The following CAMKMT variants were observed in gnomAD, a reference collection of about 807,000 sequenced individuals.
CAMKMT encodes calmodulin-lysine N-methyltransferase.
In CAMKMT, 53 loss-of-function variants were observed where a neutral mutation model predicts 48.0. The observed-to-expected ratio is 1.10, with a 90% confidence interval of 0.89 to 1.39. The LOEUF is 1.39. CAMKMT is among the 40% of genes most tolerant of loss of function. CAMKMT has a pLI of 0.00. For synonymous variants in CAMKMT, 165 were observed against 152.3 expected (o/e 1.08, Z -0.61); for missense variants, 428 against 402.7 (o/e 1.06, Z -0.54).
At position 44,622,928 on chromosome 2, in the gene CAMKMT, G is replaced by C. The variant is rs182068247; in HGVS notation, c.377-81355G>C. On this transcript the variant is annotated intron_variant, in intron 3 of 10. Transcript: ENST00000378494. ...AATCTCCAAACTTCTGTCCATGATGGTTGAACTGATATGCATTCCCACCAA... is the reference window on the plus strand; with the variant it reads ...AATCTCCAAACTTCTGTCCATGATGCTTGAACTGATATGCATTCCCACCAA... Among the ~76,000 whole-genome samples, 15 of 152,222 alleles carry C rather than the reference G, an allele frequency of 9.9e-5. No individual in the cohort carries two copies. The East Asian group carries it at 2.3e-3, about 24-fold the overall frequency.
chr2:44,734,538 C>T (rs1346541193), intron 7 of CAMKMT, among the ~76,000 whole-genome samples: 1 of 152,120 alleles, frequency 6.6e-6, no homozygotes, highest in African/African-American at 2.4e-5. Context: ...CTCCAGCCTC[C>T]TGAGTGGCTG....
chr2:44,578,955 A>G (rs1042892849), intron 3 of CAMKMT, among the ~76,000 whole-genome samples: 1 of 152,238 alleles, frequency 6.6e-6, no homozygotes, highest in Non-Finnish European at 1.5e-5. Flanking sequence ...ATTGGAATAA[A>G]TAATGTCTCA....
chr2:44,652,219 G>A (rs1447705330), intron 3 of CAMKMT, among the ~76,000 whole-genome samples: 2 of 152,182 alleles, frequency 1.3e-5, no homozygotes, highest in Non-Finnish European at 2.9e-5. Context: ...TTAATAGTGT[G>A]GATTTAATGG....
At chr2:44,739,594 G>T (rs1573207314) in intron 7 of CAMKMT, among the ~76,000 whole-genome samples, 1 of 152,192 alleles carries the variant, frequency 6.6e-6, no homozygotes, top group South Asian at 2.1e-4. Context: ...GTTCATGGGA[G>T]AGGTTCAGGC....
intron 8 of CAMKMT, among the ~76,000 whole-genome samples, chr2:44,747,315 C>A (rs1428430257): frequency 6.6e-6 from 1 of 152,056 alleles, no homozygotes; most frequent in African/African-American, 2.4e-5. Flanking sequence ...AATGGAAATA[C>A]TGTAGGCTCT....
At position 44,392,742 on chromosome 2, in the gene CAMKMT, T is replaced by G. The variant is rs553077918; in HGVS notation, c.376+2437T>G. ...AATAGATTTTTCCTGGCCGATTTTT[T>G]AATTTTTAAAAATATCAGTTTAATT... On this transcript the variant is annotated intron_variant, in intron 3 of 10. Transcript: ENST00000378494. Among the ~76,000 whole-genome samples the G allele has an allele frequency of 3.3e-5, 5 of 152,186 alleles. No individual in the cohort carries two copies. The South Asian group carries it at 1.0e-3, about 31-fold the overall frequency.
intron 1 of CAMKMT, among the ~76,000 whole-genome samples, chr2:44,367,130 A>G (rs1004440534): frequency 3.3e-5 from 5 of 152,206 alleles, no homozygotes. Context: ...ATATAAATAT[A>G]GGGATTCAGA....
rs530587288 is a variant in CAMKMT at position 44,443,056 on chromosome 2, C to A, written c.376+52751C>A. ...GGTAGATTTTAGAGCTTAGGAAATA[C>A]GTGTTTGAAGATTTAAAATATAGTT... is the stretch of plus-strand genomic sequence containing the variant. On this transcript the variant is annotated intron_variant, in intron 3 of 10. Coordinates refer to ENST00000378494, the MANE Select transcript of CAMKMT (RefSeq NM_024766.5). 2.6e-5 allele frequency among the ~76,000 whole-genome samples: 4 copies of A among 152,218 alleles called. No homozygotes were observed. In the South Asian group the frequency reaches 8.3e-4, roughly 32 times the overall value.
chr2:44,653,886 C>G lies in CAMKMT; in HGVS notation c.377-50397C>G, dbSNP rs2104049462. Among the ~76,000 whole-genome samples the G allele has an allele frequency of 6.6e-6, 1 of 152,184 alleles. No homozygotes were observed. Among genetic ancestry groups the G allele is most frequent in the East Asian group, 1.9e-4 (1 of 5,208 alleles). On this transcript the variant is annotated intron_variant, in intron 3 of 10. Coordinates refer to ENST00000378494, the MANE Select transcript of CAMKMT (RefSeq NM_024766.5). This position sits in a 1 kb window ranked among gnomAD's most constrained non-coding sequence, Gnocchi z 5.2. ...GTTGAGTGAAAGAATGAAACCAAAA[C>G]TGTCACATTTTAGCCTAAAGACTAG... is the stretch of plus-strand genomic sequence containing the variant.
intron 3 of CAMKMT, among the ~76,000 whole-genome samples, chr2:44,403,097 G>A (rs967733642): frequency 2.0e-5 from 3 of 152,120 alleles, no homozygotes; most frequent in African/African-American, 7.2e-5. Context: ...AGTTTCCTCT[G>A]TGGGATGATC....
chr2:44,364,210 A>C (rs1363456371), intron 1 of CAMKMT, among the ~76,000 whole-genome samples: 1 of 152,018 alleles, frequency 6.6e-6, no homozygotes, highest in East Asian at 1.9e-4. Context: ...TTGCGGTCTA[A>C]ATGAAAACAG....
At chr2:44,555,399 G>C (rs1001993842) in intron 3 of CAMKMT, among the ~76,000 whole-genome samples, 1 of 152,186 alleles carries the variant, frequency 6.6e-6, no homozygotes, top group Non-Finnish European at 1.5e-5. Context: ...TGGCTTGTTT[G>C]ACATATTGCT....
At chr2:44,419,622 C>G (rs77071267) in intron 3 of CAMKMT, among the ~76,000 whole-genome samples, 8,539 of 152,300 alleles carry the variant, frequency 0.056, 297 homozygotes, top group South Asian at 0.14. Flanking sequence ...CTCTGTCACC[C>G]AGCCTGGAGT....
chr2:44,585,531 A>C (rs1285266939), intron 3 of CAMKMT, among the ~76,000 whole-genome samples: 1 of 152,214 alleles, frequency 6.6e-6, no homozygotes, highest in Non-Finnish European at 1.5e-5. Context: ...ATACATATCC[A>C]AATGCTGGAG....
At chr2:44,768,363 T>TATATATTTA (rs1558844484) in intron 10 of CAMKMT, among the ~76,000 whole-genome samples, 1 of 72,012 alleles carries the variant, frequency 1.4e-5, no homozygotes. Context: ...ATATATATAT[T>TATATATTTA]TTTTTTTTTT....
chr2:44,385,425 A>G (rs1196116890), intron 2 of CAMKMT, among the ~76,000 whole-genome samples: 1 of 152,176 alleles, frequency 6.6e-6, no homozygotes, highest in Non-Finnish European at 1.5e-5. Context: ...TATCATCAGC[A>G]AACAGTGACA....
At chr2:44,371,394 C>A (rs1403496776) in intron 1 of CAMKMT, among the ~76,000 whole-genome samples, 1 of 152,224 alleles carries the variant, frequency 6.6e-6, no homozygotes, top group Non-Finnish European at 1.5e-5. Context: ...GTTAGGATTA[C>A]AGACATGAGC....
chr2:44,543,766 T>C, intron 3 of CAMKMT, among the ~76,000 whole-genome samples: 1 of 152,194 alleles, frequency 6.6e-6, no homozygotes, highest in East Asian at 1.9e-4. Flanking sequence ...GTTGATGTAA[T>C]GTAGTAATCA....
intron 3 of CAMKMT, among the ~76,000 whole-genome samples, chr2:44,550,019 A>G (rs960688649): frequency 2.0e-5 from 3 of 152,230 alleles, no homozygotes; most frequent in African/African-American, 7.2e-5. Context: ...AAATGTGGAG[A>G]AAAGGAATGT....
Sources: gnomAD v4.1 joint callset for allele counts (sites outside exome capture counted in the v4.1 genomes callset) on GRCh38, gnomAD v4.1.1 for gene constraint, Gnocchi (gnomAD v3.1) non-coding constraint, MANE v1.5 for transcripts, NCBI Gene and HGNC (gene_info 2026-07-23, HGNC 2026-07-21) for gene names.